The following TAFA5 variants were observed in gnomAD, a reference collection of about 807,000 sequenced individuals.
The protein encoded by TAFA5 is chemokine-like protein TAFA-5.
Under a neutral mutation model 15.3 loss-of-function variants are expected in TAFA5, and 6 were observed. The observed-to-expected ratio is 0.39, with a 90% CI of 0.21 to 0.77. The LOEUF (loss-of-function observed/expected upper bound fraction) is 0.77, where lower values mean the gene tolerates loss of function less well. Ranked by LOEUF, TAFA5 falls within the 30% of genes least tolerant of loss-of-function variation. The pLI, the probability that TAFA5 is intolerant of heterozygous loss-of-function variation, is 0.41. For missense variants in TAFA5, 161 were observed against 193.1 expected (o/e 0.83, Z 0.98); for synonymous variants, 103 against 80.7 (o/e 1.28, Z -1.48).
intron 2 of TAFA5, among the ~76,000 whole-genome samples, chr22:48,678,597 C>T (rs1433686481): frequency 3.3e-5 from 5 of 152,138 alleles, no homozygotes; most frequent in Admixed American, 6.5e-5. Context: ...CTGCGGCAGG[C>T]GGGGCCAGGG....
intron 1 of TAFA5, among the ~76,000 whole-genome samples, chr22:48,571,432 G>A (rs542797074): frequency 2.4e-4 from 36 of 151,292 alleles, no homozygotes; most frequent in African/African-American, 5.6e-4. Flanking sequence ...CCACTACCAC[G>A]CCCAGCTAAT....
rs1192935764 is a variant in TAFA5, at chr22:48,748,786, AC to A, written c.391-1050del. Reference sequence around the variant, plus strand: ...TTTGGGGAGGCCCTGCAGTTGCGAGACCCTCATCATCACCGCCCCTGGCTGA... The same window carrying A: ...TTTGGGGAGGCCCTGCAGTTGCGAGACCTCATCATCACCGCCCCTGGCTGA... On this transcript the variant is annotated intron_variant, in intron 3 of 3. Transcript: ENST00000402357. Among the ~76,000 whole-genome samples, 3 of 152,196 alleles carry A rather than the reference AC, an allele frequency of 2.0e-5. No individual in the cohort carries two copies. The South Asian group carries it at 6.2e-4, about 32-fold the overall frequency.
chr22:48,506,167 C>G (rs1170919028), intron 1 of TAFA5, among the ~76,000 whole-genome samples: 1 of 152,192 alleles, frequency 6.6e-6, no homozygotes, highest in Non-Finnish European at 1.5e-5. Flanking sequence ...TCGCCTGGCC[C>G]CTCCTCCTGC....
rs187427400 is a variant in TAFA5, at chr22:48,737,335, G to A, written c.391-12504G>A. 2.4e-4 allele frequency among the ~76,000 whole-genome samples: 36 copies of A among 152,334 alleles called. No individual in the cohort carries two copies. The East Asian group carries it at 6.4e-3, about 27-fold the overall frequency. ...TTGGCCCCCACAGCTCGAGGGCAGC[G>A]CCTGGCCTTAGGGACCCCGAGCTGC... On this transcript the variant is annotated intron_variant, in intron 3 of 3. Coordinates refer to ENST00000402357, the MANE Select transcript of TAFA5 (RefSeq NM_001082967.3).
chr22:48,490,040 C>G lies in TAFA5; in HGVS notation c.112+336C>G, dbSNP rs1258268013. ...CCAGCGGCTTCCCGGCCGAGATGCG[C>G]GCTCAGGAGGCAGCCGCAGGTCGCG... On this transcript the variant is annotated intron_variant, in intron 1 of 3. Transcript: ENST00000402357. The surrounding 1 kb of genome is among the most constrained non-coding windows in gnomAD (Gnocchi z 5.8). Among the ~76,000 whole-genome samples the G allele has an allele frequency of 6.6e-6, 1 of 151,980 alleles. No individual in the cohort carries two copies. Among genetic ancestry groups the G allele is most frequent in the Non-Finnish European group, 1.5e-5 (1 of 67,970 alleles).
chr22:48,593,054 C>T (rs949152894), intron 1 of TAFA5, among the ~76,000 whole-genome samples: 6 of 152,160 alleles, frequency 3.9e-5, no homozygotes, highest in Admixed American at 6.5e-5. Flanking sequence ...CTGCAGCCGT[C>T]GGAACTGAGA....
intron 1 of TAFA5, among the ~76,000 whole-genome samples, chr22:48,645,242 G>GGGGATGCT (rs113436322): frequency 0.014 from 2,194 of 152,284 alleles, 53 homozygotes; most frequent in African/African-American, 0.05. Context: ...ATCCTGCCCT[G>GGGGATGCT]GGGATGCTGG....
At chr22:48,721,204 G>T (rs1316926075) in intron 3 of TAFA5, among the ~76,000 whole-genome samples, 1 of 152,212 alleles carries the variant, frequency 6.6e-6, no homozygotes, top group Non-Finnish European at 1.5e-5. Context: ...AGACACTGGA[G>T]TCTTCCCCAT....
At chr22:48,654,278 A>C (rs1474795077) in intron 2 of TAFA5, among the ~76,000 whole-genome samples, 1 of 152,160 alleles carries the variant, frequency 6.6e-6, no homozygotes, top group Non-Finnish European at 1.5e-5. Flanking sequence ...GACCCTGGGC[A>C]GACCACCACC....
chr22:48,555,727 C>A (rs940477238), intron 1 of TAFA5, among the ~76,000 whole-genome samples: 4 of 152,158 alleles, frequency 2.6e-5, no homozygotes, highest in African/African-American at 9.6e-5. Flanking sequence ...CTTGTCCGAT[C>A]CCCTGAGACA....
intron 2 of TAFA5, among the ~76,000 whole-genome samples, chr22:48,656,541 C>G (rs925657493): frequency 2.0e-5 from 3 of 151,730 alleles, no homozygotes; most frequent in Non-Finnish European, 2.9e-5. Context: ...ATAAACTGAC[C>G]TGTAGATAAA....
chr22:48,736,832 C>A (rs796301235), intron 3 of TAFA5, among the ~76,000 whole-genome samples: 2 of 152,282 alleles, frequency 1.3e-5, no homozygotes, highest in South Asian at 2.1e-4. Context: ...GGGTCCAGGA[C>A]GGAGATGGGG....
chr22:48,621,498 C>T (rs1044556930), intron 1 of TAFA5, among the ~76,000 whole-genome samples: 6 of 151,980 alleles, frequency 3.9e-5, no homozygotes, highest in African/African-American at 1.2e-4. Context: ...TCACTCTGGC[C>T]GGGGTAGGGG....
intron 1 of TAFA5, among the ~76,000 whole-genome samples, chr22:48,585,636 C>T (rs1246671299): frequency 6.7e-6 from 1 of 150,268 alleles, no homozygotes; most frequent in Admixed American, 6.6e-5. Flanking sequence ...CACTAGACAT[C>T]ACACACACAC....
intron 1 of TAFA5, 154 bp from the exon 2 acceptor site, chr22:48,646,443 C>T (rs958583680): frequency 9.4e-6 from 9 of 956,306 alleles, no homozygotes; most frequent in Middle Eastern, 3.4e-4. Context: ...TGGCAGCCTT[C>T]GAGGTGCTTT....
intron 1 of TAFA5, among the ~76,000 whole-genome samples, chr22:48,508,654 A>G (rs550229474): frequency 1.3e-5 from 2 of 152,222 alleles, no homozygotes; most frequent in Admixed American, 1.3e-4. Flanking sequence ...CAGTTGCCCC[A>G]CAGCTGATAT....
chr22:48,643,544 C>T (rs1926758650), intron 1 of TAFA5, among the ~76,000 whole-genome samples: 1 of 152,136 alleles, frequency 6.6e-6, no homozygotes, highest in Non-Finnish European at 1.5e-5. Flanking sequence ...AGGAGGAGTC[C>T]AGCTAGGAGG....
chr22:48,624,599 G>GT (rs1385589111), intron 1 of TAFA5, among the ~76,000 whole-genome samples: 3 of 152,192 alleles, frequency 2.0e-5, no homozygotes, highest in African/African-American at 4.8e-5. Flanking sequence ...GGGTTGCCAG[G>GT]TATGTTAGCT....
intron 2 of TAFA5, among the ~76,000 whole-genome samples, chr22:48,665,451 C>A (rs1322342924): frequency 6.6e-6 from 1 of 152,136 alleles, no homozygotes; most frequent in Admixed American, 6.5e-5. Flanking sequence ...GTGTGGGAAA[C>A]GTCATCTTAC....
Sources: allele counts gnomAD v4.1 joint callset (sites outside exome capture counted in the v4.1 genomes callset), GRCh38; gene constraint gnomAD v4.1.1; non-coding constraint Gnocchi (gnomAD v3.1); transcripts MANE v1.5; gene names NCBI Gene and HGNC (gene_info 2026-07-23, HGNC 2026-07-21).